The following DTNB variants were observed in gnomAD, a reference collection of about 807,000 sequenced individuals.
The protein encoded by DTNB is DTN-B.
Under a neutral mutation model 90.7 loss-of-function variants are expected in DTNB, and 63 were observed. That is an observed-to-expected ratio of 0.69 (90% CI 0.57 to 0.86). DTNB has a LOEUF of 0.86. Among genes scored for constraint, DTNB ranks in the 40% least tolerant of loss-of-function variants. DTNB has a pLI of 0.00. For synonymous variants in DTNB, 277 were observed against 286.7 expected (o/e 0.97, Z 0.34); for missense variants, 744 against 807.1 (o/e 0.92, Z 0.95).
chr2:25,610,679 T>C (rs545237792), intron 4 of DTNB, among the ~76,000 whole-genome samples: 1 of 151,734 alleles, frequency 6.6e-6, no homozygotes, highest in African/African-American at 2.4e-5. Flanking sequence ...AAGCACCTCT[T>C]TCCTAAACCC....
intron 16 of DTNB, among the ~76,000 whole-genome samples, chr2:25,404,104 G>A (rs941978698): frequency 6.6e-6 from 1 of 152,214 alleles, no homozygotes; most frequent in African/African-American, 2.4e-5. Context: ...GCTCCATAGA[G>A]TGACACCTGT....
intron 4 of DTNB, among the ~76,000 whole-genome samples, chr2:25,627,678 C>T (rs920860217): frequency 1.3e-4 from 20 of 151,652 alleles, no homozygotes; most frequent in Non-Finnish European, 2.6e-4. Flanking sequence ...ATGACATACT[C>T]TAGGACAGTA....
rs182662181 is a variant in DTNB at position 25,636,330 on chromosome 2, T to G, written c.148+2684A>C. 1.6e-3 allele frequency among the ~76,000 whole-genome samples: 243 copies of G among 152,214 alleles called. 1 individual carries two copies. Among genetic ancestry groups the G allele is most frequent in the Non-Finnish European group, 1.6e-3 (110 of 67,992 alleles). On this transcript the variant is annotated intron_variant, in intron 3 of 20. Coordinates refer to ENST00000406818, the MANE Select transcript of DTNB (RefSeq NM_021907.5). ...ACTGACTACTACTTATCCTGTACAG[T>G]CTCAAAATTTTTTTCAGATCAACTC...
chr2:25,415,916 T>C (rs111918014), intron 16 of DTNB, among the ~76,000 whole-genome samples: 1,650 of 152,280 alleles, frequency 0.011, 41 homozygotes, highest in African/African-American at 0.037. Context: ...GTGAGTAAAG[T>C]GCTTCTCAGA....
At chr2:25,417,879 C>T (rs1277584790) in intron 16 of DTNB, among the ~76,000 whole-genome samples, 1 of 152,162 alleles carries the variant, frequency 6.6e-6, no homozygotes, top group Non-Finnish European at 1.5e-5. Context: ...TTTCCAACAT[C>T]TGCTTCTCTG....
chr2:25,622,149 G>A (rs2072893311), intron 4 of DTNB, among the ~76,000 whole-genome samples: 1 of 152,036 alleles, frequency 6.6e-6, no homozygotes, highest in Non-Finnish European at 1.5e-5. Flanking sequence ...AAATATATCA[G>A]AGGAAAAAAT....
intron 4 of DTNB, among the ~76,000 whole-genome samples, chr2:25,624,608 T>C (rs2073694366): frequency 6.6e-6 from 1 of 152,166 alleles, no homozygotes; most frequent in Non-Finnish European, 1.5e-5. Context: ...GCCATGTGGG[T>C]AGGCTTTTTA....
intron 8 of DTNB, among the ~76,000 whole-genome samples, chr2:25,541,062 AAAG>A (rs1420095760): frequency 2.0e-5 from 3 of 152,124 alleles, no homozygotes; most frequent in East Asian, 1.9e-4. Context: ...CAAAAAAAAA[AAAG>A]AAAAGCTAGA....
At chr2:25,484,818 A>G (rs2065795983) in intron 9 of DTNB, among the ~76,000 whole-genome samples, 1 of 152,316 alleles carries the variant, frequency 6.6e-6, no homozygotes, top group East Asian at 1.9e-4. Context: ...CTTCAGACAG[A>G]TATCCAATTA....
At chr2:25,447,471 C>G (rs2058585197) in intron 12 of DTNB, among the ~76,000 whole-genome samples, 1 of 142,048 alleles carries the variant, frequency 7.0e-6, no homozygotes, top group Non-Finnish European at 1.6e-5. Flanking sequence ...TATAAGCTTT[C>G]TTTTTCTGTG....
chr2:25,590,950 G>T (rs1282499734), intron 6 of DTNB, among the ~76,000 whole-genome samples: 1 of 152,230 alleles, frequency 6.6e-6, no homozygotes, highest in Non-Finnish European at 1.5e-5. Context: ...GTGCCAAGCT[G>T]CCCTCAGGCC....
chr2:25,642,932 T>C (rs534525773), intron 2 of DTNB, among the ~76,000 whole-genome samples: 1 of 152,238 alleles, frequency 6.6e-6, no homozygotes, highest in Non-Finnish European at 1.5e-5. Flanking sequence ...TTTGTATTTT[T>C]AGTAGAGACG....
At chr2:25,420,537 C>A (rs1048097267) in intron 15 of DTNB, among the ~76,000 whole-genome samples, 1 of 149,306 alleles carries the variant, frequency 6.7e-6, no homozygotes, top group Non-Finnish European at 1.5e-5. Flanking sequence ...TGTCTATCGA[C>A]AGAGTTTCGC....
At chr2:25,398,337 C>G (rs2042911667) in intron 16 of DTNB, among the ~76,000 whole-genome samples, 1 of 152,338 alleles carries the variant, frequency 6.6e-6, no homozygotes, top group African/African-American at 2.4e-5. Flanking sequence ...AGCTACGACT[C>G]CTGGGCAGGT....
At chr2:25,629,019 G>A (rs955129292) in intron 3 of DTNB, among the ~76,000 whole-genome samples, 4 of 151,984 alleles carry the variant, frequency 2.6e-5, no homozygotes, top group Non-Finnish European at 4.4e-5. Flanking sequence ...TCTTGAAAAC[G>A]ACAAAAATTC....
intron 5 of DTNB, among the ~76,000 whole-genome samples, chr2:25,597,845 A>G (rs1030552074): frequency 2.0e-5 from 3 of 152,210 alleles, no homozygotes; most frequent in Non-Finnish European, 2.9e-5. Context: ...GAAACTTTCA[A>G]TGTAGCTGGA....
chr2:25,646,333 G>A (rs527648127), intron 2 of DTNB, among the ~76,000 whole-genome samples: 2 of 152,126 alleles, frequency 1.3e-5, no homozygotes, highest in East Asian at 1.9e-4. Flanking sequence ...TTAGCCAGGC[G>A]TAGTGGCAGG....
chr2:25,623,389 G>A (rs2073282735), intron 4 of DTNB, among the ~76,000 whole-genome samples: 1 of 152,166 alleles, frequency 6.6e-6, no homozygotes, highest in Non-Finnish European at 1.5e-5. Flanking sequence ...ACTTTTTGAT[G>A]GTACTGGGGA....
At chr2:25,627,326 C>T (rs1019345832) in intron 4 of DTNB, among the ~76,000 whole-genome samples, 9 of 151,992 alleles carry the variant, frequency 5.9e-5, no homozygotes, top group Non-Finnish European at 8.8e-5. Context: ...GCAGGAGAAT[C>T]GCTTGAACCC....
Sources: gnomAD v4.1 joint callset for allele counts (sites outside exome capture counted in the v4.1 genomes callset) on GRCh38, gnomAD v4.1.1 for gene constraint, MANE v1.5 for transcripts, NCBI Gene and HGNC (gene_info 2026-07-23, HGNC 2026-07-21) for gene names.